The following DYRK2 variants were observed in gnomAD, a reference collection of about 807,000 sequenced individuals.
DYRK2 encodes dual specificity tyrosine-phosphorylation-regulated kinase 2.
In DYRK2, 12 loss-of-function variants were observed where a neutral mutation model predicts 41.6. That is an observed-to-expected ratio of 0.29 (90% CI 0.18 to 0.47). The LOEUF is 0.47. DYRK2 is among the 20% of genes least tolerant of loss of function. DYRK2 has a pLI of 1.00. For synonymous variants in DYRK2, 322 were observed against 315.7 expected (o/e 1.02, Z -0.21); for missense variants, 678 against 798.4 (o/e 0.85, Z 1.82).
intron 2 of DYRK2, among the ~76,000 whole-genome samples, chr12:67,652,328 A>G (rs1872345096): frequency 6.6e-6 from 1 of 152,282 alleles, no homozygotes; most frequent in Non-Finnish European, 1.5e-5. Context: ...TATTAATAGA[A>G]GTATTTTTAA....
intron 2 of DYRK2, among the ~76,000 whole-genome samples, chr12:67,655,074 C>T (rs1211546960): frequency 2.6e-5 from 4 of 152,098 alleles, no homozygotes; most frequent in African/African-American, 7.2e-5. Context: ...TTGTCAGTCT[C>T]GTTAGTTTTA....
chr12:67,652,740 A>G (rs1872355873), intron 2 of DYRK2: 1 of 152,268 alleles, frequency 6.6e-6, no homozygotes, highest in Non-Finnish European at 1.5e-5. Flanking sequence ...AAAGTACTTG[A>G]TGATCAAAGA....
In DYRK2 at chr12:67,658,829, T is replaced by A; in HGVS notation, c.*116T>A. On this transcript the variant is annotated 3_prime_UTR_variant, in exon 3 of 3. Transcript: ENST00000344096. This position sits in a 1 kb window ranked among gnomAD's most constrained non-coding sequence, Gnocchi z 4.3. The stretch of plus-strand genomic sequence containing the variant: ...TGCTCAATAACTCTACTCATTTGTA[T>A]CTTTTCAGCACTTAATTTTAATGTA... The A allele has an allele frequency of 8.7e-7, 1 of 1,146,160 alleles. No individual in the cohort carries two copies. Among genetic ancestry groups the A allele is most frequent in the Non-Finnish European group, 1.2e-6 (1 of 823,860 alleles). 71.0% of individuals were successfully genotyped at this position (1,146,160 alleles called of 1,614,324 possible).
rs968443245 is a variant in DYRK2 at position 67,657,112 on chromosome 12, G to C, written c.205G>C (p.Gly69Arg). 1 of 1,542,002 alleles carries C rather than the reference G, an allele frequency of 6.5e-7. No homozygotes were observed. The highest frequency in any genetic ancestry group is 8.7e-7 in the Non-Finnish European group (1 of 1,144,376). The change falls in exon 3 of 3, where the codon GGC (glycine) becomes CGC (arginine). Residue 69 changes from glycine (G) to arginine (R), a missense_variant. This residue lies in a region of DYRK2 where 285 missense variants were observed against 279.2 expected (regional missense o/e 1.02). Coordinates refer to ENST00000344096, the MANE Select transcript of DYRK2 (RefSeq NM_006482.3). This position sits in a 1 kb window ranked among gnomAD's most constrained non-coding sequence, Gnocchi z 4.8. ...NAAAAAHTIG[G>R]SKHTMNDHLH... Reference sequence around the variant, plus strand: ...TTTCCTGTCTGAATTCCAGATTGGCGGCAGTAAGCACACAATGAATGATCA... The same window carrying C: ...TTTCCTGTCTGAATTCCAGATTGGCCGCAGTAAGCACACAATGAATGATCA...
chr12:67,654,115 A>G (rs1314814924), intron 2 of DYRK2, among the ~76,000 whole-genome samples: 3 of 152,212 alleles, frequency 2.0e-5, no homozygotes, highest in African/African-American at 7.2e-5. Flanking sequence ...CCTGGGTCAC[A>G]CATTTAGTAA....
Position 67,657,997 on chromosome 12 carries a change from A to G in DYRK2, c.1090A>G (p.Ile364Val), listed in dbSNP as rs1472997035. The G allele has an allele frequency of 6.2e-7, 1 of 1,614,130 alleles. No homozygotes were observed. The highest frequency in any genetic ancestry group is 8.5e-7 in the Non-Finnish European group (1 of 1,180,050). Residue 364 changes from isoleucine (I) to valine (V), a missense_variant, in exon 3 of 3, where the codon ATT (isoleucine) becomes GTT (valine). Physicochemically the swap from Ile to Val is conservative, Grantham distance 29. This residue lies in a region of DYRK2 where 393 missense variants were observed against 519.1 expected (regional missense o/e 0.76). Transcript: ENST00000344096. This position sits in a 1 kb window ranked among gnomAD's most constrained non-coding sequence, Gnocchi z 4.8. The stretch of plus-strand genomic sequence containing the variant: ...GTTAAAGCAGCAGGGTAGAAGCGGT[A>G]TTAAAGTAATTGATTTTGGCTCCAG... ...ILLKQQGRSGIKVIDFGSSCY... is the reference protein window; with the variant it reads ...ILLKQQGRSGVKVIDFGSSCY...
rs905093237 is a variant in DYRK2, at chr12:67,659,821, A to G, written c.*1108A>G. On this transcript the variant is annotated 3_prime_UTR_variant, in exon 3 of 3. Transcript: ENST00000344096. ...AGGGTTGAAAATCCTCTGGACGAAC[A>G]GAAGTCACTTTGGCTGTTCAGTAAG... 5.4e-5 allele frequency: 9 copies of G among 167,136 alleles called. No homozygotes were observed. Among genetic ancestry groups the G allele is most frequent in the Non-Finnish European group, 7.3e-5 (5 of 68,126 alleles). The allele number at this position is 167,136 out of a possible 1,614,324, so 10.4% of individuals were successfully genotyped here.
chr12:67,650,417 G>T (rs1187938196), intron 2 of DYRK2, among the ~76,000 whole-genome samples: 5 of 152,244 alleles, frequency 3.3e-5, no homozygotes, highest in Admixed American at 2.6e-4. Flanking sequence ...GCTCCAGCCA[G>T]CAGGGAGCAT....
chr12:67,652,653 GT>G (rs1181501427), intron 2 of DYRK2: 2 of 152,104 alleles, frequency 1.3e-5, no homozygotes, highest in Non-Finnish European at 2.9e-5. Context: ...AATATCTGCT[GT>G]TTGCCATTTT....
rs1872659167 is a variant in DYRK2 at position 67,662,803 on chromosome 12, T to C, written c.*4090T>C. 6.5e-6 allele frequency: 1 copy of C among 153,200 alleles called. No individual in the cohort carries two copies. Among genetic ancestry groups the C allele is most frequent in the Non-Finnish European group, 1.5e-5 (1 of 68,032 alleles). 9.5% of individuals were successfully genotyped at this position (153,200 alleles called of 1,614,324 possible). ...CTTGAGAAGTTAAAATAATTCATTCTACTAGTTTGTTCATAGCAATACTTT... is the reference window on the plus strand; with the variant it reads ...CTTGAGAAGTTAAAATAATTCATTCCACTAGTTTGTTCATAGCAATACTTT... On this transcript the variant is annotated 3_prime_UTR_variant, in exon 3 of 3. Coordinates refer to ENST00000344096, the MANE Select transcript of DYRK2 (RefSeq NM_006482.3).
intron 2 of DYRK2, among the ~76,000 whole-genome samples, chr12:67,656,606 G>A (rs990225932): frequency 1.3e-5 from 2 of 152,176 alleles, no homozygotes; most frequent in African/African-American, 4.8e-5. Flanking sequence ...GGGAAATACT[G>A]GTGATGAAGT....
intron 2 of DYRK2, among the ~76,000 whole-genome samples, chr12:67,651,062 A>G (rs1872307235): frequency 6.6e-6 from 1 of 152,134 alleles, no homozygotes; most frequent in African/African-American, 2.4e-5. Context: ...TTTCGTAGGA[A>G]AATGTTTTGT....
At position 67,649,079 on chromosome 12, in the gene DYRK2, GC is replaced by G; in HGVS notation, c.-54del. The G allele has an allele frequency of 7.0e-7, 1 of 1,430,984 alleles. No individual in the cohort carries two copies. Among genetic ancestry groups the G allele is most frequent in the Non-Finnish European group, 9.3e-7 (1 of 1,076,772 alleles). 88.6% of individuals were successfully genotyped at this position (1,430,984 alleles called of 1,614,324 possible). A position where few individuals can be genotyped will look rare whatever the true frequency, so the allele number is the denominator to read the frequency against. ...GCGGCGGCGGCCGCCAGAAGTAGCA[GC>G]AGGACCGGCGGCGGCGACGGCAGCC... is the stretch of plus-strand genomic sequence containing the variant. On this transcript the variant is annotated 5_prime_UTR_variant, in exon 1 of 3. Coordinates refer to ENST00000344096, the MANE Select transcript of DYRK2 (RefSeq NM_006482.3).
intron 2 of DYRK2, among the ~76,000 whole-genome samples, chr12:67,655,477 C>T (rs1315528552): frequency 6.6e-6 from 1 of 152,064 alleles, no homozygotes; most frequent in Non-Finnish European, 1.5e-5. Context: ...TATGGACTGC[C>T]CTGCTTTTGG....
In DYRK2 at chr12:67,661,484, G is replaced by A. The variant is rs976522098; in HGVS notation, c.*2771G>A. 3.6e-5 allele frequency: 6 copies of A among 167,092 alleles called. No individual in the cohort carries two copies. The highest frequency in any genetic ancestry group is 5.9e-5 in the Non-Finnish European group (4 of 68,106). 10.4% of individuals were successfully genotyped at this position (167,092 alleles called of 1,614,324 possible). On this transcript the variant is annotated 3_prime_UTR_variant, in exon 3 of 3. Coordinates refer to ENST00000344096, the MANE Select transcript of DYRK2 (RefSeq NM_006482.3). ...CAACAGAGTGGTGCAAGACACTGTA[G>A]ATTAACGGTAGAGGAGAAATTGTGC...
intron 2 of DYRK2, chr12:67,652,578 C>G (rs1438192184): frequency 2.0e-5 from 3 of 152,216 alleles, no homozygotes; most frequent in African/African-American, 7.2e-5. Context: ...TACCATAATA[C>G]TATACAGCAT....
At position 67,657,942 on chromosome 12, in the gene DYRK2, T is replaced by C; in HGVS notation, c.1035T>C (p.Ile345=). 1 of 1,614,184 alleles carries C rather than the reference T, an allele frequency of 6.2e-7. No homozygotes were observed. Residue 345 remains isoleucine (I), a synonymous_variant, in exon 3 of 3, where the codon ATT becomes ATC. Coordinates refer to ENST00000344096, the MANE Select transcript of DYRK2 (RefSeq NM_006482.3). This position sits in a 1 kb window ranked among gnomAD's most constrained non-coding sequence, Gnocchi z 4.8. ...ATGCTTTGCACAAAAACAGAATAAT[T>C]CACTGTGACCTTAAGCCCGAGAACA... is the stretch of plus-strand genomic sequence containing the variant. The part of the protein sequence containing the change: ...CLDALHKNRI[I]HCDLKPENIL...
At chr12:67,656,286 T>G (rs1193613797) in intron 2 of DYRK2, among the ~76,000 whole-genome samples, 1 of 152,126 alleles carries the variant, frequency 6.6e-6, no homozygotes, top group Non-Finnish European at 1.5e-5. Context: ...AGAGGTTGCT[T>G]CTTTGGATTC....
rs1872508731 is a variant in DYRK2, at chr12:67,657,425, A to G, written c.518A>G (p.His173Arg). ...YMQKLTAFEH[H>R]EIFSYPEIYF... ...CAAAAACTCACAGCCTTCGAACACCATGAGATTTTCAGCTACCCTGAAATA... is the reference window on the plus strand; with the variant it reads ...CAAAAACTCACAGCCTTCGAACACCGTGAGATTTTCAGCTACCCTGAAATA... Residue 173 changes from histidine to arginine, a missense_variant, in exon 3 of 3, where the codon CAT becomes CGT. Physicochemically the swap from His to Arg is conservative, Grantham distance 29. Coordinates refer to ENST00000344096, the MANE Select transcript of DYRK2 (RefSeq NM_006482.3). The surrounding 1 kb of genome is among the most constrained non-coding windows in gnomAD (Gnocchi z 4.8). The G allele has an allele frequency of 2.5e-6, 4 of 1,614,186 alleles. No homozygotes were observed. The highest frequency in any genetic ancestry group is 3.4e-6 in the Non-Finnish European group (4 of 1,180,032).
Sources: allele counts gnomAD v4.1 joint callset (sites outside exome capture counted in the v4.1 genomes callset), GRCh38; gene constraint gnomAD v4.1.1; regional missense constraint gnomAD v4.1.1; non-coding constraint Gnocchi (gnomAD v3.1); transcripts MANE v1.5; gene names NCBI Gene and HGNC (gene_info 2026-07-23, HGNC 2026-07-21).